CLVS1: variants seen among roughly 807,000 people sequenced by gnomAD.
CLVS1 encodes the protein clavesin 1.
A neutral mutation model predicts 33.1 loss-of-function variants in CLVS1; 10 were observed. That is an observed-to-expected ratio of 0.30 (90% CI 0.19 to 0.51). The LOEUF (loss-of-function observed/expected upper bound fraction) is 0.51. CLVS1 is among the 20% of genes least tolerant of loss of function. The pLI is 0.97. For synonymous variants in CLVS1, 163 were observed against 166.1 expected (o/e 0.98, Z 0.14); for missense variants, 343 against 433.4 (o/e 0.79, Z 1.85).
intron 2 of CLVS1, among the ~76,000 whole-genome samples, chr8:61,310,593 G>A (rs184809263): frequency 2.6e-5 from 4 of 152,306 alleles, no homozygotes; most frequent in Non-Finnish European, 4.4e-5. Context: ...GGACCTCATA[G>A]CCCAAAAGAC....
At chr8:61,279,339 A>G (rs1055020873) in intron 2 of CLVS1, among the ~76,000 whole-genome samples, 2 of 151,664 alleles carry the variant, frequency 1.3e-5, no homozygotes, top group Non-Finnish European at 2.9e-5. Context: ...TCATGAAAGA[A>G]CTCTGCCCCT....
the CLVS1 span, among the ~76,000 whole-genome samples, chr8:61,022,529 A>G: frequency 1.3e-5 from 2 of 152,242 alleles, no homozygotes; most frequent in Non-Finnish European, 2.9e-5. Flanking sequence ...ATAAATAAAT[A>G]CATTTAAAAA....
intron 3 of CLVS1, among the ~76,000 whole-genome samples, chr8:61,392,114 A>G (rs1814326556): frequency 6.6e-6 from 1 of 152,188 alleles, no homozygotes; most frequent in Admixed American, 6.5e-5. Flanking sequence ...TCTAATATTC[A>G]GTATTTGAGA....
At chr8:61,187,666 C>T (rs907654374) in intron 2 of CLVS1, among the ~76,000 whole-genome samples, 1 of 152,002 alleles carries the variant, frequency 6.6e-6, no homozygotes, top group Non-Finnish European at 1.5e-5. Context: ...ATTCTATTTC[C>T]AGCAATGTCA....
At chr8:61,142,512 A>C (rs1806325326) in intron 2 of CLVS1, among the ~76,000 whole-genome samples, 1 of 152,244 alleles carries the variant, frequency 6.6e-6, no homozygotes, top group Non-Finnish European at 1.5e-5. Flanking sequence ...ATTGAGAAGC[A>C]TCACTAGGAA....
chr8:61,288,072 C>G lies in CLVS1; in HGVS notation c.-218C>G, dbSNP rs1187513126. On this transcript the variant is annotated 5_prime_UTR_variant, in exon 1 of 6. Transcript: ENST00000325897. Reference sequence around the variant, plus strand: ...CTGCCAGAATAGGGGATCTCACCCACCCAGTTCAGCAGCGAGGACACCTGC... The same window carrying G: ...CTGCCAGAATAGGGGATCTCACCCAGCCAGTTCAGCAGCGAGGACACCTGC... 4 of 455,908 alleles carry G rather than the reference C, an allele frequency of 8.8e-6. No individual in the cohort carries two copies. Among genetic ancestry groups the G allele is most frequent in the African/African-American group, 6.0e-5 (3 of 50,062 alleles). The allele number at this position is 455,908 out of a possible 1,614,324, so 28.2% of individuals were successfully genotyped here.
intron 2 of CLVS1, among the ~76,000 whole-genome samples, chr8:61,158,480 C>T (rs1229292375): frequency 6.6e-6 from 1 of 152,138 alleles, no homozygotes; most frequent in African/African-American, 2.4e-5. Context: ...ATAAAAATCA[C>T]AGCCAAAAGA....
chr8:61,169,422 C>T (rs902406196), intron 2 of CLVS1, among the ~76,000 whole-genome samples: 6 of 152,068 alleles, frequency 3.9e-5, no homozygotes, highest in African/African-American at 1.4e-4. Flanking sequence ...CCCTAGAAAT[C>T]TTATCAAATA....
chr8:61,232,041 T>TGTTTTGTTTTG (rs1302389931), intron 2 of CLVS1, among the ~76,000 whole-genome samples: 73 of 116,008 alleles, frequency 6.3e-4, no homozygotes, highest in Admixed American at 1.1e-3. Flanking sequence ...TTTTTTTTTT[T>TGTTTTGTTTTG]TTTTTTTTTG....
intron 3 of CLVS1, among the ~76,000 whole-genome samples, chr8:61,399,919 G>A (rs1162902230): frequency 6.6e-6 from 1 of 152,164 alleles, no homozygotes; most frequent in African/African-American, 2.4e-5. Flanking sequence ...CCATTACAAT[G>A]TTGTTTTAGT....
intron 1 of CLVS1, among the ~76,000 whole-genome samples, chr8:61,092,238 C>A (rs1304131955): frequency 6.6e-6 from 1 of 152,158 alleles, no homozygotes; most frequent in African/African-American, 2.4e-5. Flanking sequence ...GTGTTTATGT[C>A]CCTGTATCAG....
Position 61,357,494 on chromosome 8 carries a change from C to CTTTTTTTTTTTTTT in CLVS1, c.456-19096_456-19083dup, listed in dbSNP as rs1167743712. Among the ~76,000 whole-genome samples, 60 of 25,800 alleles carry CTTTTTTTTTTTTTT rather than the reference C, an allele frequency of 2.3e-3. 8 individuals are homozygous for CTTTTTTTTTTTTTT. Among genetic ancestry groups the CTTTTTTTTTTTTTT allele is most frequent in the African/African-American group, 3.1e-3 (31 of 10,080 alleles). The allele number at this position is 25,800 out of a possible 152,430, so 16.9% of individuals were successfully genotyped here. On this transcript the variant is annotated intron_variant, in intron 2 of 5. Coordinates refer to ENST00000325897, the MANE Select transcript of CLVS1 (RefSeq NM_173519.3). ...CTTCTTTTTCTTTCCTTTTTCTTTT[C>CTTTTTTTTTTTTTT]TTTTTTTTTTTTTTTTTTTTTTTTT... is the stretch of plus-strand genomic sequence containing the variant.
chr8:61,116,803 G>A (rs1177858754), intron 1 of CLVS1, among the ~76,000 whole-genome samples: 1 of 139,552 alleles, frequency 7.2e-6, no homozygotes, highest in Non-Finnish European at 1.5e-5. Flanking sequence ...GTCAGGTAGT[G>A]TGATGCCTCC....
At chr8:61,410,059 T>A (rs1309163006) in intron 3 of CLVS1, among the ~76,000 whole-genome samples, 3 of 146,654 alleles carry the variant, frequency 2.0e-5, no homozygotes, top group Non-Finnish European at 3.0e-5. Context: ...TGGCTTTACT[T>A]GCAGAGGTTT....
chr8:61,328,907 T>C (rs1811486470), intron 2 of CLVS1, among the ~76,000 whole-genome samples: 1 of 152,198 alleles, frequency 6.6e-6, no homozygotes, highest in South Asian at 2.1e-4. Flanking sequence ...GTCAATAAAA[T>C]TATGAATGGC....
intron 2 of CLVS1, among the ~76,000 whole-genome samples, chr8:61,146,345 G>A (rs1398638393): frequency 6.6e-6 from 1 of 152,192 alleles, no homozygotes; most frequent in Admixed American, 6.5e-5. Flanking sequence ...ATTAAATGGG[G>A]TTCTAGCTGC....
the CLVS1 span, among the ~76,000 whole-genome samples, chr8:61,027,717 A>T: frequency 2.6e-5 from 4 of 152,154 alleles, no homozygotes; most frequent in South Asian, 8.3e-4. Context: ...CAGAGAACTG[A>T]TGGGCTGTGT....
chr8:61,198,155 C>A (rs1383111082), intron 2 of CLVS1, among the ~76,000 whole-genome samples: 1 of 152,172 alleles, frequency 6.6e-6, no homozygotes, highest in Non-Finnish European at 1.5e-5. Context: ...TGCCATCTTT[C>A]TTTGCCCTGT....
chr8:61,425,500 C>G (rs1585955238), intron 3 of CLVS1, among the ~76,000 whole-genome samples: 1 of 152,120 alleles, frequency 6.6e-6, no homozygotes, highest in Non-Finnish European at 1.5e-5. Context: ...GTGCACAATT[C>G]AATGGCTTTT....
Sources: gnomAD v4.1 joint callset for allele counts (sites outside exome capture counted in the v4.1 genomes callset) on GRCh38, gnomAD v4.1.1 for gene constraint, MANE v1.5 for transcripts, NCBI Gene and HGNC (gene_info 2026-07-23, HGNC 2026-07-21) for gene names.